DNAH12: variants seen among roughly 807,000 people sequenced by gnomAD.
DNAH12 encodes dynein axonemal heavy chain 12, also known as axonemal beta dynein heavy chain 12.
In DNAH12, 285 loss-of-function variants were observed where a neutral mutation model predicts 371.5. The ratio of observed to expected loss-of-function variants is 0.77; its 90% CI spans 0.70 to 0.85. The LOEUF (loss-of-function observed/expected upper bound fraction) is 0.85. DNAH12 is among the 40% of genes least tolerant of loss of function. DNAH12 has a pLI of 0.00. For missense variants in DNAH12, 3,611 were observed against 3,689.4 expected (o/e 0.98, Z 0.55); for synonymous variants, 1,200 against 1,213.0 (o/e 0.99, Z 0.22).
rs2066921044 is a variant in DNAH12 at position 57,486,273 on chromosome 3, T to C, written c.1515-2762A>G. On this transcript the variant is annotated intron_variant, in intron 12 of 73. Coordinates refer to ENST00000495027, the MANE Select transcript of DNAH12 (RefSeq NM_001366028.2). ...TAAAAATTAAAATTAATTTTTTCTT[T>C]TAAAAAAATATCTAGCCCAGGCACA... Among the ~76,000 whole-genome samples the C allele has an allele frequency of 3.9e-5, 6 of 152,102 alleles. No individual in the cohort carries two copies. The South Asian group carries it at 1.2e-3, about 32-fold the overall frequency.
chr3:57,351,141 C>T lies in DNAH12; in HGVS notation c.9674+944G>A, dbSNP rs963857786. On this transcript the variant is annotated intron_variant, in intron 60 of 73. Coordinates refer to ENST00000495027, the MANE Select transcript of DNAH12 (RefSeq NM_001366028.2). ...AAAATTAGCTGGGCATGGTGGTGCACGCCTGTAGTCCCAGCTACTCGGGAG... is the reference window on the plus strand; with the variant it reads ...AAAATTAGCTGGGCATGGTGGTGCATGCCTGTAGTCCCAGCTACTCGGGAG... 5.3e-5 allele frequency among the ~76,000 whole-genome samples: 8 copies of T among 151,830 alleles called. No homozygotes were observed. The East Asian group carries it at 5.8e-4, about 11-fold the overall frequency.
intron 43 of DNAH12, among the ~76,000 whole-genome samples, chr3:57,402,855 C>T (rs1553679435): frequency 6.6e-6 from 1 of 152,194 alleles, no homozygotes; most frequent in Non-Finnish European, 1.5e-5. Flanking sequence ...CGATGTTCTA[C>T]GTGATAGATA....
intron 12 of DNAH12, among the ~76,000 whole-genome samples, chr3:57,487,395 GAAAGAAAGAAAAAAAAGAA>G (rs1256464073): frequency 3.3e-5 from 4 of 121,464 alleles, no homozygotes; most frequent in East Asian, 2.2e-4. Context: ...GAAAGAGAAA[GAAAGAAAGAAAAAAAAGAA>G]AAAGAAAGAA....
At chr3:57,379,065 C>G (rs942337854) in intron 52 of DNAH12, 93 bp downstream of exon 52, 2 of 152,194 alleles carry the variant, frequency 1.3e-5, no homozygotes, top group Non-Finnish European at 2.9e-5. Context: ...TGTGTGGTCA[C>G]TTTGAGAAAC....
chr3:57,361,444 C>CACTATATATACATATATATATATATA (rs1409626573), intron 58 of DNAH12, among the ~76,000 whole-genome samples: 1 of 116,722 alleles, frequency 8.6e-6, no homozygotes, highest in African/African-American at 4.2e-5. Flanking sequence ...CACACACACA[C>CACTATATATACATATATATATATATA]TATATATATA....
At chr3:57,488,097 A>C (rs756549087) in intron 12 of DNAH12, among the ~76,000 whole-genome samples, 4 of 152,160 alleles carry the variant, frequency 2.6e-5, no homozygotes, top group Non-Finnish European at 5.9e-5. Context: ...TTGGGCTCCT[A>C]TTCTATGCCA....
intron 29 of DNAH12, among the ~76,000 whole-genome samples, chr3:57,443,903 A>C (rs1300202205): frequency 1.3e-5 from 2 of 152,124 alleles, no homozygotes; most frequent in Non-Finnish European, 2.9e-5. Context: ...ACAAGATAGA[A>C]AATAAAATAT....
chr3:57,327,977 C>T (rs1274815193), intron 62 of DNAH12, among the ~76,000 whole-genome samples: 10 of 151,514 alleles, frequency 6.6e-5, no homozygotes, highest in African/African-American at 2.2e-4. Context: ...TGGATAAATT[C>T]CTCGACACAT....
chr3:57,330,518 A>T (rs2153303472), intron 62 of DNAH12, among the ~76,000 whole-genome samples: 1 of 137,986 alleles, frequency 7.2e-6, no homozygotes, highest in East Asian at 2.2e-4. Context: ...AACAGTGAGA[A>T]CACATGGACA....
intron 60 of DNAH12, among the ~76,000 whole-genome samples, chr3:57,343,826 T>C (rs1349525178): frequency 2.0e-5 from 3 of 152,210 alleles, no homozygotes; most frequent in African/African-American, 7.2e-5. Context: ...GCAGCAATGC[T>C]ACCTTGTTAT....
the DNAH12 span, among the ~76,000 whole-genome samples, chr3:57,555,046 G>A: frequency 2.0e-5 from 3 of 152,138 alleles, no homozygotes; most frequent in Admixed American, 6.5e-5. Context: ...AGGAGTTCGC[G>A]ACCAGCCCAG....
intron 60 of DNAH12, among the ~76,000 whole-genome samples, chr3:57,337,546 C>G (rs2062255536): frequency 1.3e-5 from 2 of 152,138 alleles, no homozygotes; most frequent in African/African-American, 4.8e-5. Context: ...GTAATCCCAG[C>G]TACTTGGGAG....
intron 69 of DNAH12, among the ~76,000 whole-genome samples, chr3:57,305,049 T>G (rs184202150): frequency 6.6e-6 from 1 of 152,290 alleles, no homozygotes; most frequent in East Asian, 1.9e-4. Flanking sequence ...GCAATGCCGC[T>G]TGACCCCAAT....
intron 69 of DNAH12, among the ~76,000 whole-genome samples, chr3:57,307,760 C>A (rs1008923615): frequency 3.3e-5 from 5 of 152,170 alleles, no homozygotes; most frequent in African/African-American, 1.2e-4. Flanking sequence ...GATACCACAC[C>A]TGACCCCCAT....
intron 40 of DNAH12, 57 bp from the exon 41 acceptor site, chr3:57,406,009 T>C (rs2153353356): frequency 2.8e-6 from 4 of 1,453,788 alleles, no homozygotes; most frequent in Non-Finnish European, 3.7e-6. Context: ...AGTAAAGTCA[T>C]GTAACCAGTG....
intron 70 of DNAH12, among the ~76,000 whole-genome samples, chr3:57,299,486 G>T (rs947936271): frequency 6.8e-5 from 10 of 147,778 alleles, no homozygotes; most frequent in Non-Finnish European, 1.3e-4. Context: ...TTTAGGCAGT[G>T]TGCAAAAAGT....
chr3:57,542,440 C>T (rs2069330896), intron 2 of DNAH12, among the ~76,000 whole-genome samples: 1 of 152,132 alleles, frequency 6.6e-6, no homozygotes, highest in South Asian at 2.1e-4. Context: ...TCAGTATACT[C>T]ATCTAAACAA....
intron 57 of DNAH12, among the ~76,000 whole-genome samples, chr3:57,365,089 C>T (rs918371640): frequency 3.2e-4 from 49 of 152,306 alleles, no homozygotes; most frequent in African/African-American, 1.2e-3. Flanking sequence ...TACCATTTGA[C>T]ACAGCAATCC....
rs1362634094 is a variant in DNAH12, at chr3:57,408,449, G to T, written c.6107C>A (p.Pro2036Gln). Residue 2036 changes from proline to glutamine, a missense_variant, in exon 40 of 74, where the codon CCA (proline) becomes CAA (glutamine). Coordinates refer to ENST00000495027, the MANE Select transcript of DNAH12 (RefSeq NM_001366028.2). ...AMGPPGGGRN[P>Q]VTPRCIRHFN... is the part of the protein sequence containing the mutation. ...ATGTCGAATACAACGGGGAGTAACT[G>T]GATTTCTTCCACCACCTGGAGGGCC... 6.4e-7 allele frequency: 1 copy of T among 1,551,342 alleles called. No homozygotes were observed. Among genetic ancestry groups the T allele is most frequent in the Non-Finnish European group, 8.7e-7 (1 of 1,146,908 alleles).
Sources: gnomAD v4.1 joint callset for allele counts (sites outside exome capture counted in the v4.1 genomes callset) on GRCh38, gnomAD v4.1.1 for gene constraint, MANE v1.5 for transcripts, NCBI Gene and HGNC (gene_info 2026-07-23, HGNC 2026-07-21) for gene names.